Variants in HCAR3 observed in about 807,000 individuals in gnomAD.
The protein encoded by HCAR3 is G-protein coupled receptor 109B.
For missense variants in HCAR3, 404 were observed against 501.2 expected (o/e 0.81, Z 1.85); for synonymous variants, 167 against 201.0 (o/e 0.83, Z 1.43).
rs3825149 is a variant in HCAR3, at chr12:122,716,482, A to T, written c.256T>A (p.Tyr86Asn). The change falls in exon 1 of 1, where the codon TAC becomes AAC. Residue 86 changes from tyrosine to asparagine, a missense_variant. Tyr to Asn is a moderately radical substitution (Grantham distance 143). Coordinates refer to ENST00000528880, the MANE Select transcript of HCAR3 (RefSeq NM_006018.3). ...TTCCAGTCTGAACGCCGCACATAGTAGTCCATCACGAACGGCAGGCAGATG... is the reference window on the plus strand; with the variant it reads ...TTCCAGTCTGAACGCCGCACATAGTTGTCCATCACGAACGGCAGGCAGATG... The part of the protein sequence containing the change: ...LIICLPFVMD[Y>N]YVRRSDWKFG... The T allele has an allele frequency of 1.6e-4, 261 of 1,614,024 alleles. No individual in the cohort carries two copies. The highest frequency in any genetic ancestry group is 1.5e-4 in the Non-Finnish European group (174 of 1,180,034).
At position 122,716,700 on chromosome 12, in the gene HCAR3, A is replaced by C; in HGVS notation, c.38T>G (p.Ile13Arg). 1 of 1,614,074 alleles carries C rather than the reference A, an allele frequency of 6.2e-7. No individual in the cohort carries two copies. ...GAACACACAGCAGTTCTTCTTGTCT[A>C]TTTCCAGAAAGTGATCCTGCAGATG... is the stretch of plus-strand genomic sequence containing the variant. The part of the protein sequence containing the change: ...RHHLQDHFLE[I>R]DKKNCCVFRD... The change falls in exon 1 of 1, where the codon ATA (isoleucine) becomes AGA (arginine). Residue 13 changes from isoleucine to arginine, a missense_variant. Ile to Arg is a moderately conservative substitution (Grantham distance 97). Transcript: ENST00000528880.
Position 122,716,492 on chromosome 12 carries a change from G to T in HCAR3, c.246C>A (p.Phe82Leu), listed in dbSNP as rs11059549. 1.9e-6 allele frequency: 3 copies of T among 1,613,998 alleles called. No homozygotes were observed. In the South Asian group the frequency reaches 3.3e-5, roughly 18 times the overall value. ...ADFLLIICLPFVMDYYVRRSD... is the reference protein window; with the variant it reads ...ADFLLIICLPLVMDYYVRRSD... Reference sequence around the variant, plus strand: ...AACGCCGCACATAGTAGTCCATCACGAACGGCAGGCAGATGATCAGTAGAA... The same window carrying T: ...AACGCCGCACATAGTAGTCCATCACTAACGGCAGGCAGATGATCAGTAGAA... The change falls in exon 1 of 1, where the codon TTC becomes TTA. Residue 82 changes from phenylalanine to leucine, a missense_variant. Coordinates refer to ENST00000528880, the MANE Select transcript of HCAR3 (RefSeq NM_006018.3).
In HCAR3 at chr12:122,715,626, C is replaced by A; in HGVS notation, c.1112G>T (p.Cys371Phe). The A allele has an allele frequency of 6.2e-7, 1 of 1,614,016 alleles. No individual in the cohort carries two copies. The highest frequency in any genetic ancestry group is 8.5e-7 in the Non-Finnish European group (1 of 1,179,996). Residue 371 changes from cysteine (C) to phenylalanine (F), a missense_variant, in exon 1 of 1, where the codon TGT (cysteine) becomes TTT (phenylalanine). By Grantham distance (205) the Cys-to-Phe change is radical (BLOSUM62 -2). Transcript: ENST00000528880. Reference protein sequence around the residue: ...TSNNHSKKGHCHQEPASLEKQ... With the variant: ...TSNNHSKKGHFHQEPASLEKQ... ...CTCCAGAGATGCTGGTTCTTGGTGA[C>A]AATGTCCCTTCTTGGAATGGTTATT... is the stretch of plus-strand genomic sequence containing the variant.
chr12:122,716,171 G>C lies in HCAR3; in HGVS notation c.567C>G (p.His189Gln), dbSNP rs553858673. The change falls in exon 1 of 1, where the codon CAC becomes CAG. Residue 189 changes from histidine (H) to glutamine (Q), a missense_variant. His to Gln is a conservative substitution (Grantham distance 24). Coordinates refer to ENST00000528880, the MANE Select transcript of HCAR3 (RefSeq NM_006018.3). ...SFSICHTFRW[H>Q]EAMFLLEFFL... ...AGAACTCCAGGAGGAACATAGCTTC[G>C]TGCCACCGGAAGGTATGGCAGATGC... is the stretch of plus-strand genomic sequence containing the variant. 4 of 1,613,942 alleles carry C rather than the reference G, an allele frequency of 2.5e-6. No individual in the cohort carries two copies. The highest frequency in any genetic ancestry group is 1.7e-5 in the Admixed American group (1 of 59,994).
At position 122,716,083 on chromosome 12, in the gene HCAR3, G is replaced by A. The variant is rs765355631; in HGVS notation, c.655C>T (p.Gln219Ter). Residue 219 changes from glutamine to a stop codon, truncating the protein, a stop_gained, in exon 1 of 1, where the codon CAA becomes TAA. Coordinates refer to ENST00000528880, the MANE Select transcript of HCAR3 (RefSeq NM_006018.3). LOFTEE classifies it low-confidence loss of function (END_TRUNC). ...TTGATCTTGGCATGCCGGTCCATTT[G>A]TCTCTGCCGCAGGCTCCAGATAATT... is the stretch of plus-strand genomic sequence containing the variant. ...ARIIWSLRQR[Q>*]MDRHAKIKRA... 10 of 1,612,114 alleles carry A rather than the reference G, an allele frequency of 6.2e-6. No individual in the cohort carries two copies. In the Middle Eastern group the frequency reaches 5.0e-4, roughly 80 times the overall value.
At position 122,716,062 on chromosome 12, in the gene HCAR3, T is replaced by C. The variant is rs1414279882; in HGVS notation, c.676A>G (p.Ile226Val). ...RQRQMDRHAK[I>V]KRAITFIMVV... The stretch of plus-strand genomic sequence containing the variant: ...ATGATGAAGGTGATGGCTCTCTTGA[T>C]CTTGGCATGCCGGTCCATTTGTCTC... Residue 226 changes from isoleucine (I) to valine (V), a missense_variant, in exon 1 of 1, where the codon ATC becomes GTC. By Grantham distance (29) the Ile-to-Val change is conservative. Transcript: ENST00000528880. 4.3e-6 allele frequency: 7 copies of C among 1,609,934 alleles called. No individual in the cohort carries two copies. The highest frequency in any genetic ancestry group is 5.9e-6 in the Non-Finnish European group (7 of 1,177,362).
Position 122,716,383 on chromosome 12 carries a change from T to C in HCAR3, c.355A>G (p.Thr119Ala), listed in dbSNP as rs1877550577. 1 of 1,613,606 alleles carries C rather than the reference T, an allele frequency of 6.2e-7. No individual in the cohort carries two copies. Among genetic ancestry groups the C allele is most frequent in the African/African-American group, 1.3e-5 (1 of 74,732 alleles). ...AAATACCTGTCTACCGCCACCACCG[T>C]GAGGAATATGATGCTGCCCTGGCGG... Reference protein sequence around the residue: ...MNRQGSIIFLTVVAVDRYFRV... With the variant: ...MNRQGSIIFLAVVAVDRYFRV... Residue 119 changes from threonine to alanine, a missense_variant, in exon 1 of 1, where the codon ACG (threonine) becomes GCG (alanine). Physicochemically the swap from Thr to Ala is moderately conservative, Grantham distance 58. Transcript: ENST00000528880.
Position 122,716,478 on chromosome 12 carries a change from T to G in HCAR3, c.260A>C (p.Tyr87Ser). ...AAACTTCCAGTCTGAACGCCGCACA[T>G]AGTAGTCCATCACGAACGGCAGGCA... ...IICLPFVMDY[Y>S]VRRSDWKFGD... The change falls in exon 1 of 1, where the codon TAT (tyrosine) becomes TCT (serine). Residue 87 changes from tyrosine to serine, a missense_variant. Transcript: ENST00000528880. 6.2e-7 allele frequency: 1 copy of G among 1,613,858 alleles called. No homozygotes were observed. The highest frequency in any genetic ancestry group is 8.5e-7 in the Non-Finnish European group (1 of 1,180,000).
At position 122,716,300 on chromosome 12, in the gene HCAR3, G is replaced by C. The variant is rs769456602; in HGVS notation, c.438C>G (p.Ile146Met). The change falls in exon 1 of 1, where the codon ATC (isoleucine) becomes ATG (methionine). Residue 146 changes from isoleucine (I) to methionine (M), a missense_variant. Transcript: ENST00000528880. ...TGATGCCCCACAGAAGGCAAGAGAT[G>C]ATGGCTGCTGTCCAATTGGAGATCT... ...LNKISNWTAA[I>M]ISCLLWGITV... 1 of 1,614,140 alleles carries C rather than the reference G, an allele frequency of 6.2e-7. No individual in the cohort carries two copies. The highest frequency in any genetic ancestry group is 1.1e-5 in the South Asian group (1 of 91,076).
rs373921960 is a variant in HCAR3 at position 122,716,469 on chromosome 12, C to A, written c.269G>T (p.Arg90Leu). Reference protein sequence around the residue: ...LPFVMDYYVRRSDWKFGDIPC... With the variant: ...LPFVMDYYVRLSDWKFGDIPC... ...GATGTCCCCAAACTTCCAGTCTGAA[C>A]GCCGCACATAGTAGTCCATCACGAA... Residue 90 changes from arginine (R) to leucine (L), a missense_variant, in exon 1 of 1, where the codon CGT becomes CTT. Coordinates refer to ENST00000528880, the MANE Select transcript of HCAR3 (RefSeq NM_006018.3). 3 of 1,614,064 alleles carry A rather than the reference C, an allele frequency of 1.9e-6. No homozygotes were observed. Among genetic ancestry groups the A allele is most frequent in the Non-Finnish European group, 2.5e-6 (3 of 1,180,018 alleles).
chr12:122,716,108 T>G lies in HCAR3; in HGVS notation c.630A>C (p.Arg210Ser), dbSNP rs1393506498. Reference protein sequence around the residue: ...PLGIILFCSARIIWSLRQRQM... With the variant: ...PLGIILFCSASIIWSLRQRQM... ...GTCTCTGCCGCAGGCTCCAGATAAT[T>G]CTGGCTGAGCAGAACAGGATGATGC... is the stretch of plus-strand genomic sequence containing the variant. Residue 210 changes from arginine to serine, a missense_variant, in exon 1 of 1, where the codon AGA (arginine) becomes AGC (serine). Coordinates refer to ENST00000528880, the MANE Select transcript of HCAR3 (RefSeq NM_006018.3). 3.1e-6 allele frequency: 5 copies of G among 1,613,344 alleles called. No homozygotes were observed. The highest frequency in any genetic ancestry group is 1.6e-4 in the Middle Eastern group (1 of 6,084).
rs1031388275 is a variant in HCAR3, at chr12:122,716,797, G to A, written c.-60C>T. 2.6e-5 allele frequency: 41 copies of A among 1,589,394 alleles called. No homozygotes were observed. Among genetic ancestry groups the A allele is most frequent in the Admixed American group, 2.6e-4 (15 of 58,718 alleles). On this transcript the variant is annotated 5_prime_UTR_variant, in exon 1 of 1. In the 5' UTR this introduces an upstream ATG that the reference lacks. Coordinates refer to ENST00000528880, the MANE Select transcript of HCAR3 (RefSeq NM_006018.3). Reference sequence around the variant, plus strand: ...CTAGTGAATGCTCCAGCAAAGTGGCGTGTGTCTGTATGGTGAACGTGTGGT... The same window carrying A: ...CTAGTGAATGCTCCAGCAAAGTGGCATGTGTCTGTATGGTGAACGTGTGGT...
Position 122,715,169 on chromosome 12 carries a change from C to T in HCAR3, c.*405G>A, listed in dbSNP as rs1232929708. The T allele has an allele frequency of 5.9e-6, 1 of 168,422 alleles. No homozygotes were observed. The highest frequency in any genetic ancestry group is 1.3e-5 in the Non-Finnish European group (1 of 76,756). 10.4% of individuals were successfully genotyped at this position (168,422 alleles called of 1,614,324 possible). The stretch of plus-strand genomic sequence containing the variant: ...AATTGGTCCACGGAAGCCAGGTGAC[C>T]TACTGGCTTGTTTAATGATGCCTGG... On this transcript the variant is annotated 3_prime_UTR_variant, in exon 1 of 1. Transcript: ENST00000528880.
Position 122,715,524 on chromosome 12 carries a change from A to C in HCAR3, c.*50T>G. 1 of 1,526,040 alleles carries C rather than the reference A, an allele frequency of 6.6e-7. No homozygotes were observed. The highest frequency in any genetic ancestry group is 1.3e-5 in the South Asian group (1 of 76,954). The allele number at this position is 1,526,040 out of a possible 1,614,324, so 94.5% of individuals were successfully genotyped here. ...ATCTGCCACAGTTTCCCTAAATCAG[A>C]TTCTCTGAATCTGGAAGTTCCAGGA... On this transcript the variant is annotated 3_prime_UTR_variant, in exon 1 of 1. Coordinates refer to ENST00000528880, the MANE Select transcript of HCAR3 (RefSeq NM_006018.3).
In HCAR3 at chr12:122,716,563, A is replaced by T. The variant is rs537773357; in HGVS notation, c.175T>A (p.Trp59Arg). ...AACAGGAAAATCCGGCTGGATTTCC[A>T]GGACTTGAGGTGGAAACAGAAAATC... ...LWIFCFHLKS[W>R]KSSRIFLFNL... Residue 59 changes from tryptophan to arginine, a missense_variant, in exon 1 of 1, where the codon TGG (tryptophan) becomes AGG (arginine). By Grantham distance (101) the Trp-to-Arg change is moderately radical. Coordinates refer to ENST00000528880, the MANE Select transcript of HCAR3 (RefSeq NM_006018.3). 1.2e-6 allele frequency: 2 copies of T among 1,614,170 alleles called. No homozygotes were observed. The highest frequency in any genetic ancestry group is 1.7e-6 in the Non-Finnish European group (2 of 1,180,020).
At position 122,716,407 on chromosome 12, in the gene HCAR3, G is replaced by C. The variant is rs977516577; in HGVS notation, c.331C>G (p.Arg111Gly). 2 of 1,613,914 alleles carry C rather than the reference G, an allele frequency of 1.2e-6. No homozygotes were observed. ...GTGAGGAATATGATGCTGCCCTGGCGGTTCATGGCAAACATGAAGAGCACC... is the reference window on the plus strand; with the variant it reads ...GTGAGGAATATGATGCTGCCCTGGCCGTTCATGGCAAACATGAAGAGCACC... The part of the protein sequence containing the change: ...RLVLFMFAMN[R>G]QGSIIFLTVV... The change falls in exon 1 of 1, where the codon CGC becomes GGC. Residue 111 changes from arginine to glycine, a missense_variant. Transcript: ENST00000528880.
At position 122,715,359 on chromosome 12, in the gene HCAR3, T is replaced by G. The variant is rs1877504685; in HGVS notation, c.*215A>C. On this transcript the variant is annotated 3_prime_UTR_variant, in exon 1 of 1. Coordinates refer to ENST00000528880, the MANE Select transcript of HCAR3 (RefSeq NM_006018.3). ...ACAAGTAGATCTCTGGCTCCAACTC[T>G]GCTCAGCAGAAACGCCTACAATTTG... is the stretch of plus-strand genomic sequence containing the variant. 3.5e-6 allele frequency: 2 copies of G among 573,290 alleles called. No homozygotes were observed. Among genetic ancestry groups the G allele is most frequent in the Non-Finnish European group, 6.1e-6 (2 of 325,332 alleles). The allele number at this position is 573,290 out of a possible 1,614,324, so 35.5% of individuals were successfully genotyped here.
Position 122,716,496 on chromosome 12 carries a change from G to A in HCAR3, c.242C>T (p.Pro81Leu), listed in dbSNP as rs757339733. ...CCGCACATAGTAGTCCATCACGAAC[G>A]GCAGGCAGATGATCAGTAGAAAGTC... is the stretch of plus-strand genomic sequence containing the variant. Reference protein sequence around the residue: ...VADFLLIICLPFVMDYYVRRS... With the variant: ...VADFLLIICLLFVMDYYVRRS... Residue 81 changes from proline (P) to leucine (L), a missense_variant, in exon 1 of 1, where the codon CCG becomes CTG. Pro to Leu is a moderately conservative substitution (Grantham distance 98). Transcript: ENST00000528880. 8 of 1,613,952 alleles carry A rather than the reference G, an allele frequency of 5.0e-6. No homozygotes were observed. The highest frequency in any genetic ancestry group is 5.1e-6 in the Non-Finnish European group (6 of 1,180,048).
In HCAR3 at chr12:122,716,431, C is replaced by A. The variant is rs924289673; in HGVS notation, c.307G>T (p.Val103Leu). 1 of 1,613,984 alleles carries A rather than the reference C, an allele frequency of 6.2e-7. No homozygotes were observed. Among genetic ancestry groups the A allele is most frequent in the Non-Finnish European group, 8.5e-7 (1 of 1,179,998 alleles). ...WKFGDIPCRL[V>L]LFMFAMNRQG... ...CGGTTCATGGCAAACATGAAGAGCA[C>A]CAGCCGGCAAGGGATGTCCCCAAAC... Residue 103 changes from valine to leucine, a missense_variant, in exon 1 of 1, where the codon GTG becomes TTG. Physicochemically the swap from Val to Leu is conservative, Grantham distance 32 (BLOSUM62 1). Transcript: ENST00000528880.
Sources: allele counts gnomAD v4.1 joint callset, GRCh38; gene constraint gnomAD v4.1.1; transcripts MANE v1.5; gene names NCBI Gene and HGNC (gene_info 2026-07-23, HGNC 2026-07-21).